ZNF487: variants seen among roughly 807,000 people sequenced by gnomAD.
The protein encoded by ZNF487 is KRAB domain only 1.
In ZNF487, 4 loss-of-function variants were observed where a neutral mutation model predicts 3.0. The observed-to-expected ratio is 1.35, with a 90% confidence interval of 0.66 to 3.08. ZNF487 has a LOEUF of 3.08. ZNF487 is among the 30% of genes most tolerant of loss of function. The pLI is 0.01. For missense variants in ZNF487, 146 were observed against 98.7 expected (o/e 1.48, Z -2.03); for synonymous variants, 55 against 34.6 (o/e 1.59, Z -2.06).
At chr10:43,511,592 G>C in the ZNF487 span, among the ~76,000 whole-genome samples, 2 of 152,124 alleles carry the variant, frequency 1.3e-5, no homozygotes, top group Non-Finnish European at 2.9e-5. Context: ...GCTCAGTGTT[G>C]GTCTCTGCTG....
chr10:43,462,165 T>G (rs960599628), intron 1 of ZNF487, among the ~76,000 whole-genome samples: 1 of 152,178 alleles, frequency 6.6e-6, no homozygotes, highest in African/African-American at 2.4e-5. Context: ...GTTTGTTTGT[T>G]TTTGAGATGG....
At chr10:43,502,389 G>A in the ZNF487 span, among the ~76,000 whole-genome samples, 4 of 152,092 alleles carry the variant, frequency 2.6e-5, no homozygotes, top group South Asian at 8.3e-4. Context: ...TCGTGGGGTG[G>A]GGGGGGATAG....
chr10:43,512,787 A>G, the ZNF487 span, among the ~76,000 whole-genome samples: 2 of 152,190 alleles, frequency 1.3e-5, no homozygotes, highest in East Asian at 3.9e-4. Flanking sequence ...CTTTCGGGTC[A>G]CTTGATAAAT....
the ZNF487 span, among the ~76,000 whole-genome samples, chr10:43,501,387 A>G: frequency 6.6e-6 from 1 of 152,050 alleles, no homozygotes; most frequent in African/African-American, 2.4e-5. Flanking sequence ...TATAAAAAAT[A>G]TTTTTCTTCA....
chr10:43,446,160 G>A (rs561850827), intron 1 of ZNF487, among the ~76,000 whole-genome samples: 26 of 152,300 alleles, frequency 1.7e-4, no homozygotes, highest in African/African-American at 4.1e-4. Flanking sequence ...AACCGCCGTC[G>A]TCATCATGGC....
At chr10:43,449,395 A>C (rs1589025535) in intron 1 of ZNF487, among the ~76,000 whole-genome samples, 1 of 152,274 alleles carries the variant, frequency 6.6e-6, no homozygotes, top group African/African-American at 2.4e-5. Flanking sequence ...AGAGAATAGA[A>C]ATGGACTGGA....
At chr10:43,501,518 T>G in the ZNF487 span, among the ~76,000 whole-genome samples, 2 of 152,188 alleles carry the variant, frequency 1.3e-5, no homozygotes, top group Admixed American at 1.3e-4. Context: ...GGTGGGCAGA[T>G]CACCTGAGGT....
the ZNF487 span, among the ~76,000 whole-genome samples, chr10:43,519,070 T>A: frequency 6.6e-6 from 1 of 151,352 alleles, no homozygotes; most frequent in East Asian, 2.0e-4. Flanking sequence ...CCACTTTAAA[T>A]CTTCTAGCTC....
the ZNF487 span, among the ~76,000 whole-genome samples, chr10:43,497,050 G>GT: frequency 1.3e-5 from 2 of 152,192 alleles, no homozygotes; most frequent in East Asian, 3.9e-4. Flanking sequence ...TTTAGACAGA[G>GT]TTATTATTCT....
intron 1 of ZNF487, among the ~76,000 whole-genome samples, chr10:43,451,738 T>C (rs1287846980): frequency 6.6e-6 from 1 of 151,944 alleles, no homozygotes; most frequent in Non-Finnish European, 1.5e-5. Flanking sequence ...GCTAATTTTG[T>C]ATTTTTAGTA....
At position 43,482,044 on chromosome 10, in the gene ZNF487, C is replaced by G; in HGVS notation, c.*122C>G. ...TGAGAGGAGGTCTGGTGAGAGGCCA[C>G]CTGTAAATAAACACCACAGGGTTAT... On this transcript the variant is annotated 3_prime_UTR_variant, in exon 4 of 4. Transcript: ENST00000437590. The G allele has an allele frequency of 1.7e-6, 1 of 578,744 alleles. No individual in the cohort carries two copies. Among genetic ancestry groups the G allele is most frequent in the South Asian group, 2.3e-5 (1 of 42,878 alleles). 35.9% of individuals were successfully genotyped at this position (578,744 alleles called of 1,614,324 possible). A position where few individuals can be genotyped will look rare whatever the true frequency, so the allele number is the denominator to read the frequency against.
intron 1 of ZNF487, among the ~76,000 whole-genome samples, chr10:43,472,095 C>G (rs183042407): frequency 6.6e-6 from 1 of 152,314 alleles, no homozygotes; most frequent in East Asian, 1.9e-4. Context: ...ATCACTTGTA[C>G]TTTGTCTGGC....
rs541716428 is a variant in ZNF487, at chr10:43,442,600, C to T, written c.-94+5338C>T. The stretch of plus-strand genomic sequence containing the variant: ...CTGGGACTACAGGCGCCTGCCACTG[C>T]GCCTGGCTAATTTTTTGTATTTTTA... On this transcript the variant is annotated intron_variant, in intron 1 of 3. Coordinates refer to ENST00000437590, the MANE Select transcript of ZNF487 (RefSeq NM_001355444.3). 2.5e-4 allele frequency among the ~76,000 whole-genome samples: 38 copies of T among 152,190 alleles called. No homozygotes were observed. The South Asian group carries it at 6.4e-3, about 26-fold the overall frequency.
intron 3 of ZNF487, among the ~76,000 whole-genome samples, chr10:43,480,043 CT>C (rs55737452): frequency 0.31 from 14,878 of 48,276 alleles, 1,355 homozygotes; most frequent in East Asian, 0.44. Flanking sequence ...TTCTTTCTTT[CT>C]TTTTCTTTCT....
the ZNF487 span, among the ~76,000 whole-genome samples, chr10:43,497,633 G>T: frequency 6.6e-6 from 1 of 152,160 alleles, no homozygotes; most frequent in Non-Finnish European, 1.5e-5. Flanking sequence ...GGATTTGTTA[G>T]ATTGGTTTTG....
At chr10:43,442,722 C>G (rs183755675) in intron 1 of ZNF487, among the ~76,000 whole-genome samples, 3 of 152,114 alleles carry the variant, frequency 2.0e-5, no homozygotes, top group African/African-American at 4.8e-5. Flanking sequence ...GGATTACAGG[C>G]GTGAGACACC....
intron 1 of ZNF487, among the ~76,000 whole-genome samples, chr10:43,472,046 G>C (rs146033953): frequency 1.1e-3 from 161 of 152,258 alleles, no homozygotes; most frequent in Admixed American, 2.0e-3. Context: ...CTGGGGACCT[G>C]CCCCTATTTA....
At chr10:43,489,996 C>T in the ZNF487 span, among the ~76,000 whole-genome samples, 25 of 152,200 alleles carry the variant, frequency 1.6e-4, no homozygotes, top group Admixed American at 1.3e-3. Context: ...AAAGCAATGC[C>T]CATTTATATA....
At chr10:43,461,595 A>G (rs1840434412) in intron 1 of ZNF487, among the ~76,000 whole-genome samples, 1 of 152,134 alleles carries the variant, frequency 6.6e-6, no homozygotes, top group Admixed American at 6.6e-5. Context: ...CATCGGGATT[A>G]CAGGTATGAG....
Sources: allele counts gnomAD v4.1 joint callset (sites outside exome capture counted in the v4.1 genomes callset), GRCh38; gene constraint gnomAD v4.1.1; transcripts MANE v1.5; gene names NCBI Gene and HGNC (gene_info 2026-07-23, HGNC 2026-07-21).